Variants in TOR1AIP2 observed in about 807,000 individuals in gnomAD.
TOR1AIP2 encodes torsin-1A-interacting protein 2.
Under a neutral mutation model 32.6 loss-of-function variants are expected in TOR1AIP2, and 20 were observed. The observed-to-expected ratio is 0.61, with a 90% CI of 0.43 to 0.89. The LOEUF is 0.89. Ranked by LOEUF, TOR1AIP2 falls within the 40% of genes least tolerant of loss-of-function variation. TOR1AIP2 has a pLI of 0.00. For missense variants in TOR1AIP2, 456 were observed against 553.8 expected (o/e 0.82, Z 1.77); for synonymous variants, 214 against 210.8 (o/e 1.02, Z -0.13).
chr1:179,869,269 C>A (rs542863519), intron 2 of TOR1AIP2: 114 of 151,994 alleles, frequency 7.5e-4, no homozygotes, highest in African/African-American at 2.7e-3. Context: ...AGCCACCGTG[C>A]CCGGCTGCAA....
chr1:179,845,722 G>GAA lies in TOR1AIP2; in HGVS notation c.*347_*348dup. On this transcript the variant is annotated 3_prime_UTR_variant, in exon 7 of 7. Coordinates refer to ENST00000609928, the MANE Select transcript of TOR1AIP2 (RefSeq NM_001199260.2). Reference sequence around the variant, plus strand: ...AAAGGTTCTTCAGAGTCTCACTCAAGAAAAAAAAAAAATCACTCTGTAGTT... The same window carrying GAA: ...AAAGGTTCTTCAGAGTCTCACTCAAGAAAAAAAAAAAAAATCACTCTGTAGTT... 1.6e-4 allele frequency: 25 copies of GAA among 156,238 alleles called. No individual in the cohort carries two copies. The highest frequency in any genetic ancestry group is 6.9e-4 in the East Asian group (4 of 5,786). The allele number at this position is 156,238 out of a possible 1,614,324, so 9.7% of individuals were successfully genotyped here.
intron 2 of TOR1AIP2, chr1:179,868,302 T>C (rs529980964): frequency 4.6e-5 from 7 of 152,358 alleles, no homozygotes; most frequent in African/African-American, 1.7e-4. Flanking sequence ...TGCTATATTA[T>C]TTATTTTGGC....
In TOR1AIP2 at chr1:179,853,332, C is replaced by T. The variant is rs569114630; in HGVS notation, c.-146-521G>A. On this transcript the variant is annotated intron_variant, in intron 3 of 6. Transcript: ENST00000609928. The stretch of plus-strand genomic sequence containing the variant: ...TGGACTGACTTTGAAGTGGTTTTCT[C>T]GAAGTATTCTTTTGTAAAATATGGA... Among the ~76,000 whole-genome samples the T allele has an allele frequency of 3.9e-5, 6 of 152,266 alleles. No homozygotes were observed. In the East Asian group the frequency reaches 9.6e-4, roughly 24 times the overall value.
Position 179,850,894 on chromosome 1 carries a change from A to C in TOR1AIP2, c.504T>G (p.Ser168Arg). ...SQEAQSPGHS[S>R]AGQEGEDTLR... is the part of the protein sequence containing the mutation. ...GTGTATCCTCACCCTCTTGCCCTGC[A>C]CTGGAATGACCAGGACTCTGGGCCT... Residue 168 changes from serine (S) to arginine (R), a missense_variant, in exon 5 of 7, where the codon AGT (serine) becomes AGG (arginine). By Grantham distance (110) the Ser-to-Arg change is moderately radical. Transcript: ENST00000609928. The C allele has an allele frequency of 6.2e-7, 1 of 1,614,184 alleles. No homozygotes were observed. Among genetic ancestry groups the C allele is most frequent in the Non-Finnish European group, 8.5e-7 (1 of 1,180,002 alleles).
At chr1:179,863,691 A>T in intron 3 of TOR1AIP2, 1 of 984,530 alleles carries the variant, frequency 1.0e-6, no homozygotes, top group Non-Finnish European at 1.2e-6. Flanking sequence ...AAAAAAAAAA[A>T]AAAAAAAGAG....
chr1:179,873,543 C>T (rs1473660945), intron 2 of TOR1AIP2, among the ~76,000 whole-genome samples: 1 of 152,134 alleles, frequency 6.6e-6, no homozygotes, highest in Non-Finnish European at 1.5e-5. Flanking sequence ...CCTCCACTGT[C>T]GGATTACTAT....
intron 2 of TOR1AIP2, among the ~76,000 whole-genome samples, chr1:179,869,721 C>A (rs190369307): frequency 6.6e-6 from 1 of 152,292 alleles, no homozygotes; most frequent in African/African-American, 2.4e-5. Flanking sequence ...GAGGGTTTAT[C>A]TTAGCATACT....
Position 179,845,809 on chromosome 1 carries a change from T to G in TOR1AIP2, c.*262A>C. On this transcript the variant is annotated 3_prime_UTR_variant, in exon 7 of 7. Coordinates refer to ENST00000609928, the MANE Select transcript of TOR1AIP2 (RefSeq NM_001199260.2). ...GCTATATTTTAGAATTTAAAAAAAATTCTCATATATATCATCGATATTTCA... is the reference window on the plus strand; with the variant it reads ...GCTATATTTTAGAATTTAAAAAAAAGTCTCATATATATCATCGATATTTCA... 2.8e-6 allele frequency: 1 copy of G among 354,022 alleles called. No homozygotes were observed. Among genetic ancestry groups the G allele is most frequent in the Non-Finnish European group, 5.0e-6 (1 of 198,804 alleles). The allele number at this position is 354,022 out of a possible 1,614,324, so 21.9% of individuals were successfully genotyped here.
intron 3 of TOR1AIP2, 190 bp downstream of exon 3, chr1:179,865,246 A>C (rs1047547970): frequency 1.2e-5 from 18 of 1,512,670 alleles, no homozygotes; most frequent in Non-Finnish European, 1.5e-5. Flanking sequence ...AGAGACGCCC[A>C]AACACCAGTC....
chr1:179,846,566 C>G lies in TOR1AIP2; in HGVS notation c.918G>C (p.Glu306Asp), dbSNP rs773110414. The G allele has an allele frequency of 1.9e-6, 3 of 1,614,168 alleles. No individual in the cohort carries two copies. Among genetic ancestry groups the G allele is most frequent in the Non-Finnish European group, 2.5e-6 (3 of 1,180,034 alleles). Reference sequence around the variant, plus strand: ...CATGGTGGCTCAGGCACTTCAGGGTCTCTCTTCCCTCCCGAGCTGCTGTAA... The same window carrying G: ...CATGGTGGCTCAGGCACTTCAGGGTGTCTCTTCCCTCCCGAGCTGCTGTAA... Reference protein sequence around the residue: ...IIFTAAREGRETLKCLSHHVA... With the variant: ...IIFTAAREGRDTLKCLSHHVA... The change falls in exon 7 of 7, where the codon GAG becomes GAC. Residue 306 changes from glutamate to aspartate, a missense_variant. Glu to Asp is a conservative substitution (Grantham distance 45). Transcript: ENST00000609928.
chr1:179,855,951 G>C (rs1210663478), intron 3 of TOR1AIP2, among the ~76,000 whole-genome samples: 2 of 152,138 alleles, frequency 1.3e-5, no homozygotes, highest in Non-Finnish European at 2.9e-5. Context: ...GGCCAAGGCA[G>C]ACAGATCGGT....
intron 3 of TOR1AIP2, 103 bp from the exon 4 acceptor site, chr1:179,852,914 C>A: frequency 1.1e-6 from 1 of 886,706 alleles, no homozygotes; most frequent in Non-Finnish European, 1.4e-6. Flanking sequence ...AGTACTATTT[C>A]CTCTGTGAAA....
At chr1:179,852,861 G>A in intron 3 of TOR1AIP2, 50 bp from the exon 4 acceptor site, 1 of 1,237,618 alleles carries the variant, frequency 8.1e-7, no homozygotes, top group Non-Finnish European at 1.0e-6. Context: ...ATACAAGGGA[G>A]AAATGCAAGT....
intron 3 of TOR1AIP2, chr1:179,864,872 T>G (rs1232229978): frequency 2.5e-6 from 4 of 1,613,852 alleles, no homozygotes; most frequent in Non-Finnish European, 3.4e-6. Flanking sequence ...TACTCGAGAG[T>G]CATGTATTCT....
intron 2 of TOR1AIP2, among the ~76,000 whole-genome samples, chr1:179,872,556 A>C (rs545672238): frequency 9.2e-5 from 14 of 152,350 alleles, no homozygotes; most frequent in African/African-American, 3.4e-4. Flanking sequence ...AAGTTTGAAA[A>C]AGTACTAGCC....
chr1:179,856,149 G>C (rs552441882), intron 3 of TOR1AIP2, among the ~76,000 whole-genome samples: 2 of 152,224 alleles, frequency 1.3e-5, no homozygotes, highest in East Asian at 3.9e-4. Context: ...ACTCCAGCCT[G>C]GGCGACAGAG....
rs1695825961 is a variant in TOR1AIP2 at position 179,844,450 on chromosome 1, T to C, written c.*1621A>G. On this transcript the variant is annotated 3_prime_UTR_variant, in exon 7 of 7. Transcript: ENST00000609928. ...TTAGCTATATACATATGATCTCATATAATGGAGAGGCCAAAACCCAGTTGA... is the reference window on the plus strand; with the variant it reads ...TTAGCTATATACATATGATCTCATACAATGGAGAGGCCAAAACCCAGTTGA... The C allele has an allele frequency of 6.6e-6, 1 of 152,236 alleles. No homozygotes were observed. The highest frequency in any genetic ancestry group is 2.4e-5 in the African/African-American group (1 of 41,460). The allele number at this position is 152,236 out of a possible 1,614,324, so 9.4% of individuals were successfully genotyped here.
chr1:179,852,718 T>A lies in TOR1AIP2; in HGVS notation c.-53A>T. ...GAGGATACTTTTTTTAGTACTTGGT[T>A]TTCCTTGTGAAGATGTCTTGTTTTC... On this transcript the variant is annotated 5_prime_UTR_variant, in exon 4 of 7. Coordinates refer to ENST00000609928, the MANE Select transcript of TOR1AIP2 (RefSeq NM_001199260.2). 1 of 1,613,094 alleles carries A rather than the reference T, an allele frequency of 6.2e-7. No homozygotes were observed. Among genetic ancestry groups the A allele is most frequent in the Non-Finnish European group, 8.5e-7 (1 of 1,179,400 alleles).
chr1:179,844,405 C>G lies in TOR1AIP2; in HGVS notation c.*1666G>C, dbSNP rs1212827308. On this transcript the variant is annotated 3_prime_UTR_variant, in exon 7 of 7. Transcript: ENST00000609928. Reference sequence around the variant, plus strand: ...CTTCTTAGTGTTTCCTAAAATCTTTCCATACTTTAATCAGACTTCTTAGCT... The same window carrying G: ...CTTCTTAGTGTTTCCTAAAATCTTTGCATACTTTAATCAGACTTCTTAGCT... 6.6e-6 allele frequency: 1 copy of G among 152,178 alleles called. No individual in the cohort carries two copies. The highest frequency in any genetic ancestry group is 2.4e-5 in the African/African-American group (1 of 41,444). 9.4% of individuals were successfully genotyped at this position (152,178 alleles called of 1,614,324 possible).
Sources: allele counts gnomAD v4.1 joint callset (sites outside exome capture counted in the v4.1 genomes callset), GRCh38; gene constraint gnomAD v4.1.1; transcripts MANE v1.5; gene names NCBI Gene and HGNC (gene_info 2026-07-23, HGNC 2026-07-21).